The following USP31 variants were observed in gnomAD, a reference collection of about 807,000 sequenced individuals.
The protein encoded by USP31 is ubiquitin specific peptidase 31.
A neutral mutation model predicts 119.4 loss-of-function variants in USP31; 44 were observed. The observed-to-expected ratio is 0.37, with a 90% CI of 0.29 to 0.47. The LOEUF (loss-of-function observed/expected upper bound fraction) is 0.47, where lower values mean the gene tolerates loss of function less well. USP31 is among the 20% of genes least tolerant of loss of function. The probability of loss-of-function intolerance (pLI) is 0.99; values close to 1 mark genes in which losing one functional copy is unlikely to be tolerated. For missense variants in USP31, 1,643 were observed against 1,730.2 expected (o/e 0.95, Z 0.89); for synonymous variants, 749 against 705.6 (o/e 1.06, Z -0.97).
chr16:23,118,887 C>T (rs928187370), intron 1 of USP31, among the ~76,000 whole-genome samples: 2 of 151,730 alleles, frequency 1.3e-5, no homozygotes, highest in African/African-American at 2.4e-5. Context: ...GCAGGAGGAT[C>T]GCTTGAACCC....
intron 1 of USP31, among the ~76,000 whole-genome samples, chr16:23,118,760 T>C (rs1224761563): frequency 6.6e-6 from 1 of 152,186 alleles, no homozygotes; most frequent in Non-Finnish European, 1.5e-5. Context: ...TATTGAGTGC[T>C]TATACTGTAT....
In USP31 at chr16:23,082,520, T is replaced by C. The variant is rs756692623; in HGVS notation, c.1868A>G (p.Lys623Arg). The change falls in exon 12 of 16, where the codon AAG becomes AGG. Residue 623 changes from lysine (K) to arginine (R), a missense_variant. Physicochemically the swap from Lys to Arg is conservative, Grantham distance 26. This residue lies in a region of USP31 where 279 missense variants were observed against 372.2 expected (regional missense o/e 0.75). Coordinates refer to ENST00000219689, the MANE Select transcript of USP31 (RefSeq NM_020718.4). ...CGTAATGCTTCCCTGCTGCAGCTGC[T>C]TACAGTGTGGGCAACGCCAGGCATC... ...PDDAWRCPHC[K>R]QLQQGSITLS... The C allele has an allele frequency of 6.2e-7, 1 of 1,614,200 alleles. No individual in the cohort carries two copies. The highest frequency in any genetic ancestry group is 1.1e-5 in the South Asian group (1 of 91,078).
At chr16:23,074,344 C>T (rs1054557052) in intron 13 of USP31, among the ~76,000 whole-genome samples, 3 of 152,190 alleles carry the variant, frequency 2.0e-5, no homozygotes, top group Admixed American at 2.0e-4. Context: ...GGTGAAGAAA[C>T]CCTGAGTTCA....
chr16:23,079,139 T>G (rs745466576), intron 13 of USP31: 6 of 152,156 alleles, frequency 3.9e-5, no homozygotes, highest in Non-Finnish European at 8.8e-5. Context: ...AGATGGATAG[T>G]GATAATGGTT....
chr16:23,121,146 C>A (rs1482044705), intron 1 of USP31, among the ~76,000 whole-genome samples: 1 of 152,286 alleles, frequency 6.6e-6, no homozygotes, highest in South Asian at 2.1e-4. Flanking sequence ...TAAGCAGATC[C>A]AGCAAGTTTC....
intron 14 of USP31, 93 bp from the exon 15 acceptor site, chr16:23,072,290 C>G: frequency 6.6e-7 from 1 of 1,524,392 alleles, no homozygotes; most frequent in South Asian, 1.2e-5. Context: ...ACGAGCTGAG[C>G]TGGGGGGCGT....
chr16:23,111,987 T>C (rs752444663), intron 1 of USP31, among the ~76,000 whole-genome samples: 3 of 152,168 alleles, frequency 2.0e-5, no homozygotes, highest in Non-Finnish European at 4.4e-5. Context: ...CAAGAAAATA[T>C]TCATTTATAG....
At chr16:23,104,518 G>A (rs558902033) in intron 5 of USP31, among the ~76,000 whole-genome samples, 4 of 152,310 alleles carry the variant, frequency 2.6e-5, no homozygotes, top group Admixed American at 2.0e-4. Flanking sequence ...GCTTTTCAGA[G>A]TAGGAAAGAA....
chr16:23,139,277 C>T (rs1420498987), intron 1 of USP31, among the ~76,000 whole-genome samples: 1 of 152,144 alleles, frequency 6.6e-6, no homozygotes, highest in African/African-American at 2.4e-5. Flanking sequence ...TGATGCCCAC[C>T]TGTAATCCCA....
intron 1 of USP31, among the ~76,000 whole-genome samples, chr16:23,113,073 G>A (rs993854492): frequency 6.6e-6 from 1 of 151,980 alleles, no homozygotes; most frequent in Non-Finnish European, 1.5e-5. Context: ...TAGCACTAAT[G>A]AAACCTTGGT....
intron 1 of USP31, chr16:23,115,715 TC>T: frequency 3.3e-6 from 3 of 916,540 alleles, no homozygotes; most frequent in Non-Finnish European, 3.9e-6. Flanking sequence ...CTTGGGATGA[TC>T]CTTAGCATAT....
At chr16:23,148,266 G>A (rs775270335) in intron 1 of USP31, among the ~76,000 whole-genome samples, 2 of 152,080 alleles carry the variant, frequency 1.3e-5, no homozygotes, top group African/African-American at 4.8e-5. Flanking sequence ...TAACTTACCC[G>A]ACGTCACATT....
At chr16:23,117,882 C>T (rs191490274) in intron 1 of USP31, among the ~76,000 whole-genome samples, 278 of 152,106 alleles carry the variant, frequency 1.8e-3, no homozygotes, top group African/African-American at 5.8e-3. Flanking sequence ...CTCCGCCTCC[C>T]GGGTTCAAGC....
chr16:23,122,597 ATAT>A (rs1481289609), intron 1 of USP31, among the ~76,000 whole-genome samples: 3 of 152,254 alleles, frequency 2.0e-5, no homozygotes, highest in Admixed American at 6.5e-5. Flanking sequence ...TGAAATATTC[ATAT>A]AATAGAATAT....
intron 2 of USP31, 64 bp downstream of exon 2, chr16:23,107,982 T>C: frequency 1.3e-6 from 2 of 1,528,688 alleles, no homozygotes; most frequent in Non-Finnish European, 1.8e-6. Context: ...CAACAAGTCC[T>C]CAGTAGAAGA....
intron 1 of USP31, among the ~76,000 whole-genome samples, chr16:23,112,591 A>C (rs1902356082): frequency 6.6e-6 from 1 of 151,776 alleles, no homozygotes; most frequent in South Asian, 2.1e-4. Flanking sequence ...AAGGAATAAT[A>C]ATTTAAAAAA....
At chr16:23,119,008 T>G (rs1040326003) in intron 1 of USP31, among the ~76,000 whole-genome samples, 3 of 152,048 alleles carry the variant, frequency 2.0e-5, no homozygotes, top group South Asian at 2.1e-4. Context: ...AAATTCACCC[T>G]TAGGAAATTC....
intron 1 of USP31, among the ~76,000 whole-genome samples, chr16:23,126,917 C>CT (rs1902878681): frequency 6.6e-6 from 1 of 151,964 alleles, no homozygotes; most frequent in South Asian, 2.1e-4. Context: ...TAATATATAC[C>CT]TATACATACT....
intron 1 of USP31, among the ~76,000 whole-genome samples, chr16:23,148,313 T>G (rs1903588437): frequency 6.6e-6 from 1 of 152,196 alleles, no homozygotes; most frequent in Non-Finnish European, 1.5e-5. Flanking sequence ...GAACCCATGC[T>G]CAACACTCCC....
Sources: gnomAD v4.1 joint callset for allele counts (sites outside exome capture counted in the v4.1 genomes callset) on GRCh38, gnomAD v4.1.1 for gene constraint, gnomAD v4.1.1 regional missense constraint, MANE v1.5 for transcripts, NCBI Gene and HGNC (gene_info 2026-07-23, HGNC 2026-07-21) for gene names.